The following PLCB1 variants were observed in gnomAD, a reference collection of about 807,000 sequenced individuals.
PLCB1 encodes 1-phosphatidylinositol 4,5-bisphosphate phosphodiesterase beta-1.
In PLCB1, 46 loss-of-function variants were observed where a neutral mutation model predicts 161.8. The ratio of observed to expected loss-of-function variants is 0.28; its 90% CI spans 0.22 to 0.36. The LOEUF (loss-of-function observed/expected upper bound fraction) is 0.36, where lower values mean the gene tolerates loss of function less well. Ranked by LOEUF, PLCB1 falls within the 10% of genes least tolerant of loss-of-function variation. The pLI is 1.00. For synonymous variants in PLCB1, 517 were observed against 503.7 expected (o/e 1.03, Z -0.35); for missense variants, 1,016 against 1,472.5 (o/e 0.69, Z 5.07).
intron 31 of PLCB1, among the ~76,000 whole-genome samples, chr20:8,842,794 T>C (rs189295283): frequency 2.1e-3 from 314 of 152,264 alleles, no homozygotes; most frequent in African/African-American, 7.2e-3. Flanking sequence ...TTCCATACAA[T>C]GTCTGAAATC....
intron 3 of PLCB1, among the ~76,000 whole-genome samples, chr20:8,578,203 T>C (rs1036777674): frequency 1.1e-4 from 16 of 152,352 alleles, no homozygotes; most frequent in African/African-American, 3.6e-4. Flanking sequence ...TGGCACATAA[T>C]ATACCTGCCA....
intron 2 of PLCB1, among the ~76,000 whole-genome samples, chr20:8,200,599 C>A (rs1416931020): frequency 6.6e-6 from 1 of 151,802 alleles, no homozygotes. Context: ...ATCTAGTAAC[C>A]CAGTAACCTT....
At chr20:8,357,914 G>C (rs1436888822) in intron 2 of PLCB1, among the ~76,000 whole-genome samples, 1 of 143,104 alleles carries the variant, frequency 7.0e-6, no homozygotes, top group African/African-American at 2.5e-5. Flanking sequence ...CTTCTGCCTT[G>C]ACAAGGTAAA....
At chr20:8,412,116 G>C (rs930481844) in intron 3 of PLCB1, among the ~76,000 whole-genome samples, 1 of 152,152 alleles carries the variant, frequency 6.6e-6, no homozygotes, top group Non-Finnish European at 1.5e-5. Context: ...CCTAGTTATT[G>C]CATGTGGAGG....
chr20:8,668,226 A>G (rs938439685), intron 9 of PLCB1, among the ~76,000 whole-genome samples: 1 of 152,082 alleles, frequency 6.6e-6, no homozygotes. Flanking sequence ...AAGCTGAAAA[A>G]TGTACCATAG....
intron 31 of PLCB1, among the ~76,000 whole-genome samples, chr20:8,801,902 G>A (rs923945178): frequency 6.6e-6 from 1 of 152,162 alleles, no homozygotes; most frequent in African/African-American, 2.4e-5. Flanking sequence ...TCACACTGGG[G>A]GTGTTGGAGC....
intron 2 of PLCB1, among the ~76,000 whole-genome samples, chr20:8,351,247 G>A (rs1244079765): frequency 2.0e-5 from 3 of 151,986 alleles, no homozygotes; most frequent in Non-Finnish European, 4.4e-5. Context: ...AATAAAGAAA[G>A]GATAGTCTTT....
intron 2 of PLCB1, among the ~76,000 whole-genome samples, chr20:8,354,415 T>C (rs1986293677): frequency 1.3e-5 from 2 of 152,230 alleles, no homozygotes; most frequent in East Asian, 3.9e-4. Flanking sequence ...ACACTTCCAT[T>C]ACTAGAACAC....
intron 2 of PLCB1, among the ~76,000 whole-genome samples, chr20:8,278,612 A>G (rs913675981): frequency 2.6e-5 from 4 of 152,018 alleles, no homozygotes; most frequent in African/African-American, 9.7e-5. Flanking sequence ...AACATCATGA[A>G]TAATAATGCA....
At chr20:8,694,722 GA>G (rs1490663352) in intron 10 of PLCB1, among the ~76,000 whole-genome samples, 1 of 152,144 alleles carries the variant, frequency 6.6e-6, no homozygotes, top group Non-Finnish European at 1.5e-5. Context: ...TAGTATTAAT[GA>G]AATTGATTCA....
intron 31 of PLCB1, among the ~76,000 whole-genome samples, chr20:8,828,020 G>A (rs1985793143): frequency 4.6e-5 from 7 of 152,180 alleles, no homozygotes; most frequent in Admixed American, 4.6e-4. Context: ...AGGGAGGAAA[G>A]GAGTAGTATC....
At position 8,132,737 on chromosome 20, in the gene PLCB1, T is replaced by C; in HGVS notation, c.86T>C (p.Val29Ala). ...SDSLKKGTKF[V>A]KWDDDSTIVT... ...AGCCTCAAGAAGGGCACCAAATTCG[T>C]CAAGTGGGATGATGTAAGTATTGGG... The change falls in exon 1 of 32, where the codon GTC becomes GCC. Residue 29 changes from valine (V) to alanine (A), a missense_variant. By Grantham distance (64) the Val-to-Ala change is moderately conservative. Around this residue, in one of 10 missense-constraint regions of PLCB1, gnomAD observed 181 missense variants for 236.7 expected, o/e 0.76. Coordinates refer to ENST00000338037, the MANE Select transcript of PLCB1 (RefSeq NM_015192.4). This position sits in a 1 kb window ranked among gnomAD's most constrained non-coding sequence, Gnocchi z 5.2. The C allele has an allele frequency of 6.2e-7, 1 of 1,611,170 alleles. No individual in the cohort carries two copies.
chr20:8,133,833 T>C (rs570981589), intron 1 of PLCB1, among the ~76,000 whole-genome samples: 4 of 152,360 alleles, frequency 2.6e-5, no homozygotes, highest in Non-Finnish European at 5.9e-5. Flanking sequence ...GAGGCGTTCT[T>C]CTTGCCGAAA....
At chr20:8,665,128 C>T (rs1989778398) in intron 9 of PLCB1, among the ~76,000 whole-genome samples, 1 of 152,114 alleles carries the variant, frequency 6.6e-6, no homozygotes, top group Non-Finnish European at 1.5e-5. Flanking sequence ...GGTCTCTTGG[C>T]AAATGAAAAG....
intron 3 of PLCB1, among the ~76,000 whole-genome samples, chr20:8,579,106 C>T (rs1485555295): frequency 6.6e-6 from 1 of 152,232 alleles, no homozygotes; most frequent in Non-Finnish European, 1.5e-5. Context: ...TTCATCATTA[C>T]TACCTCCCTG....
chr20:8,628,017 A>T (rs1988410845), intron 3 of PLCB1, among the ~76,000 whole-genome samples: 1 of 152,214 alleles, frequency 6.6e-6, no homozygotes, highest in South Asian at 2.1e-4. Context: ...GGAAATAGAG[A>T]ACCATGACAC....
At chr20:8,674,927 T>G (rs1385474173) in intron 9 of PLCB1, among the ~76,000 whole-genome samples, 2 of 152,204 alleles carry the variant, frequency 1.3e-5, no homozygotes, top group Non-Finnish European at 2.9e-5. Context: ...ATGACAGGAT[T>G]GAACACATGA....
At chr20:8,531,995 G>A (rs1984833863) in intron 3 of PLCB1, among the ~76,000 whole-genome samples, 1 of 151,960 alleles carries the variant, frequency 6.6e-6, no homozygotes, top group Non-Finnish European at 1.5e-5. Flanking sequence ...GCTAAAATCT[G>A]ATCTACTGGG....
intron 3 of PLCB1, among the ~76,000 whole-genome samples, chr20:8,426,928 A>G (rs1303505542): frequency 6.6e-6 from 1 of 152,154 alleles, no homozygotes; most frequent in African/African-American, 2.4e-5. Context: ...CATTATTATT[A>G]TTACTTTGAG....
Sources: gnomAD v4.1 joint callset for allele counts (sites outside exome capture counted in the v4.1 genomes callset) on GRCh38, gnomAD v4.1.1 for gene constraint, gnomAD v4.1.1 regional missense constraint, Gnocchi (gnomAD v3.1) non-coding constraint, MANE v1.5 for transcripts, NCBI Gene and HGNC (gene_info 2026-07-23, HGNC 2026-07-21) for gene names.